ADGRB3: variants seen among roughly 807,000 people sequenced by gnomAD.
The protein encoded by ADGRB3 is brain-specific angiogenesis inhibitor 3.
In ADGRB3, 37 loss-of-function variants were observed where a neutral mutation model predicts 193.4. The ratio of observed to expected loss-of-function variants is 0.19; its 90% CI spans 0.15 to 0.25. The LOEUF is 0.25. ADGRB3 is among the 10% of genes least tolerant of loss of function. ADGRB3 has a pLI of 1.00. For missense variants in ADGRB3, 1,637 were observed against 1,852.9 expected (o/e 0.88, Z 2.14); for synonymous variants, 690 against 644.2 (o/e 1.07, Z -1.08).
intron 3 of ADGRB3, among the ~76,000 whole-genome samples, chr6:68,784,628 T>C (rs1479416937): frequency 6.6e-6 from 1 of 152,138 alleles, no homozygotes; most frequent in Non-Finnish European, 1.5e-5. Flanking sequence ...AAAAAGCTGC[T>C]GAATATTTTT....
At chr6:68,683,355 ATC>A (rs1764928994) in intron 3 of ADGRB3, among the ~76,000 whole-genome samples, 1 of 152,176 alleles carries the variant, frequency 6.6e-6, no homozygotes, top group Non-Finnish European at 1.5e-5. Flanking sequence ...AAATTATGAT[ATC>A]ATAAGATAAG....
At chr6:69,226,371 A>G (rs1290186030) in intron 17 of ADGRB3, among the ~76,000 whole-genome samples, 1 of 152,208 alleles carries the variant, frequency 6.6e-6, no homozygotes. Flanking sequence ...TTTAACAGCT[A>G]TTTATTCAAC....
At chr6:68,977,177 A>G (rs1263576017) in intron 10 of ADGRB3, among the ~76,000 whole-genome samples, 2 of 151,182 alleles carry the variant, frequency 1.3e-5, no homozygotes, top group Admixed American at 1.3e-4. Context: ...CATATAGCTT[A>G]GCTTCATAAT....
At chr6:69,194,803 G>C (rs991459580) in intron 17 of ADGRB3, among the ~76,000 whole-genome samples, 2 of 152,108 alleles carry the variant, frequency 1.3e-5, no homozygotes, top group African/African-American at 2.4e-5. Flanking sequence ...CTTATTGGCT[G>C]TGTGACCTTA....
chr6:68,943,473 A>T (rs1170418063), intron 5 of ADGRB3, among the ~76,000 whole-genome samples: 1 of 152,100 alleles, frequency 6.6e-6, no homozygotes, highest in Admixed American at 6.5e-5. Flanking sequence ...TATCTCTGTT[A>T]TAAGAGATTT....
intron 20 of ADGRB3, among the ~76,000 whole-genome samples, chr6:69,279,105 ATATATATATATATATG>A (rs1767369117): frequency 1.0e-4 from 14 of 134,878 alleles, no homozygotes; most frequent in Non-Finnish European, 1.8e-4. Context: ...ATATATATAT[ATATATATATATATATG>A]CTCCTCAACT....
chr6:69,096,212 T>C (rs1288671379), intron 17 of ADGRB3, among the ~76,000 whole-genome samples: 3 of 152,162 alleles, frequency 2.0e-5, no homozygotes, highest in Non-Finnish European at 2.9e-5. Context: ...CTAACTGTTA[T>C]ATTCAAAGGT....
Position 68,930,774 on chromosome 6 carries a change from AT to A in ADGRB3, c.868+111del, listed in dbSNP as rs1767316259. 1.1e-5 allele frequency: 10 copies of A among 915,732 alleles called. No homozygotes were observed. In the Admixed American group the frequency reaches 2.6e-4, roughly 23 times the overall value. 56.7% of individuals were successfully genotyped at this position (915,732 alleles called of 1,614,324 possible). The stretch of plus-strand genomic sequence containing the variant: ...ACATTTGTCAGTTTTTGGAGCTGAT[AT>A]TTTTTCGAGCCATTTTTTTTGTCAC... On this transcript the variant is annotated intron_variant, in intron 4 of 31. Coordinates refer to ENST00000370598, the MANE Select transcript of ADGRB3 (RefSeq NM_001704.3).
At position 69,320,816 on chromosome 6, in the gene ADGRB3, C is replaced by CGTGTGTGT. The variant is rs1175461597; in HGVS notation, c.2815-4056_2815-4055insGTGTGTGT. On this transcript the variant is annotated intron_variant, in intron 20 of 31. Transcript: ENST00000370598. The stretch of plus-strand genomic sequence containing the variant: ...TTTCATCAAAGTATATGTGCTTGTG[C>CGTGTGTGT]ATGTGTGTATGTGTGTGTGTGTGTG... Among the ~76,000 whole-genome samples the CGTGTGTGT allele has an allele frequency of 4.5e-3, 494 of 110,590 alleles. 7 individuals carry two copies. Among genetic ancestry groups the CGTGTGTGT allele is most frequent in the African/African-American group, 0.017 (472 of 27,790 alleles). 72.6% of individuals were successfully genotyped at this position (110,590 alleles called of 152,430 possible).
At chr6:69,027,893 T>C (rs1770484491) in intron 13 of ADGRB3, among the ~76,000 whole-genome samples, 1 of 152,180 alleles carries the variant, frequency 6.6e-6, no homozygotes, top group Admixed American at 6.6e-5. Flanking sequence ...GCAAGACAGA[T>C]TTATATCAAA....
At chr6:68,912,631 T>C (rs1265817766) in intron 3 of ADGRB3, among the ~76,000 whole-genome samples, 2 of 152,148 alleles carry the variant, frequency 1.3e-5, no homozygotes, top group African/African-American at 4.8e-5. Flanking sequence ...TGGTGTTTTG[T>C]CCTTGCGATA....
At chr6:68,737,324 AT>A (rs1765891763) in intron 3 of ADGRB3, among the ~76,000 whole-genome samples, 1 of 151,992 alleles carries the variant, frequency 6.6e-6, no homozygotes, top group Non-Finnish European at 1.5e-5. Flanking sequence ...CTTTTTTTGC[AT>A]TTATTTAATT....
At chr6:69,361,913 T>A (rs555392624) in intron 29 of ADGRB3, among the ~76,000 whole-genome samples, 1 of 151,790 alleles carries the variant, frequency 6.6e-6, no homozygotes, top group Non-Finnish European at 1.5e-5. Flanking sequence ...CTACGTGGCA[T>A]TACAAACTTA....
chr6:69,157,409 A>G (rs1561937494), intron 17 of ADGRB3, among the ~76,000 whole-genome samples: 1 of 152,182 alleles, frequency 6.6e-6, no homozygotes, highest in Non-Finnish European at 1.5e-5. Context: ...ACATTGCTCA[A>G]AGAAATTACT....
At chr6:68,927,126 G>A (rs1254968909) in intron 3 of ADGRB3, among the ~76,000 whole-genome samples, 1 of 151,860 alleles carries the variant, frequency 6.6e-6, no homozygotes, top group African/African-American at 2.4e-5. Context: ...AAAGATATAG[G>A]AAATAACCCT....
chr6:69,296,702 A>G (rs889168564), intron 20 of ADGRB3, among the ~76,000 whole-genome samples: 1 of 152,276 alleles, frequency 6.6e-6, no homozygotes, highest in East Asian at 1.9e-4. Flanking sequence ...TTCAAAATAT[A>G]TTCCTTTGAA....
chr6:69,340,916 C>G (rs1768960613), intron 26 of ADGRB3, among the ~76,000 whole-genome samples: 1 of 152,174 alleles, frequency 6.6e-6, no homozygotes, highest in Non-Finnish European at 1.5e-5. Flanking sequence ...TTTCCAACTT[C>G]ATCCATGTCC....
intron 26 of ADGRB3, among the ~76,000 whole-genome samples, chr6:69,343,944 G>T (rs908792870): frequency 1.3e-5 from 2 of 152,052 alleles, no homozygotes; most frequent in African/African-American, 2.4e-5. Flanking sequence ...ACTATTCCCC[G>T]CATTGCTATG....
chr6:69,038,060 G>T (rs998750323), intron 13 of ADGRB3, among the ~76,000 whole-genome samples: 1 of 152,156 alleles, frequency 6.6e-6, no homozygotes, highest in African/African-American at 2.4e-5. Context: ...GAATACTGTA[G>T]GGGCTCAATA....
Sources: allele counts gnomAD v4.1 joint callset (sites outside exome capture counted in the v4.1 genomes callset), GRCh38; gene constraint gnomAD v4.1.1; transcripts MANE v1.5; gene names NCBI Gene and HGNC (gene_info 2026-07-23, HGNC 2026-07-21).